The following CPXM2 variants were observed in gnomAD, a reference collection of about 807,000 sequenced individuals.
CPXM2 encodes the protein inactive carboxypeptidase-like protein X2.
In CPXM2, 66 loss-of-function variants were observed where a neutral mutation model predicts 86.1. The ratio of observed to expected loss-of-function variants is 0.77; its 90% CI spans 0.63 to 0.94. The LOEUF (loss-of-function observed/expected upper bound fraction) is 0.94. Among genes scored for constraint, CPXM2 ranks in the 40% least tolerant of loss-of-function variants. CPXM2 has a pLI of 0.00. For missense variants in CPXM2, 948 were observed against 1,026.3 expected, an observed-to-expected ratio of 0.92 and a Z score of 1.04; for synonymous variants, 388 against 400.2, an observed-to-expected ratio of 0.97 and a Z score of 0.36.
upstream of CPXM2, among the ~76,000 whole-genome samples, chr10:123,895,127 T>TTC (rs1564816708): frequency 4.3e-5 from 5 of 116,514 alleles, no homozygotes; most frequent in Non-Finnish European, 9.5e-5. Context: ...TTTTCTTTTT[T>TTC]TTTTTTTTTT....
chr10:123,767,012 A>G lies in CPXM2; in HGVS notation c.1440T>C (p.Tyr480=). The G allele has an allele frequency of 1.9e-6, 3 of 1,614,164 alleles. No homozygotes were observed. Among genetic ancestry groups the G allele is most frequent in the Non-Finnish European group, 2.5e-6 (3 of 1,179,988 alleles). Residue 480 remains tyrosine (Y), a synonymous_variant, in exon 10 of 14, where the codon TAT becomes TAC. Coordinates refer to ENST00000241305, the MANE Select transcript of CPXM2 (RefSeq NM_198148.3). ...ACAGAAACCACTCAGGGATTGCAAT[A>G]TAGTGATTGGGAACTTTCCTGGGGA... ...QNVPRKVPNH[Y]IAIPEWFLSE... is the part of the protein sequence containing the mutation.
In CPXM2 at chr10:123,757,366, C is replaced by T. The variant is rs760317767; in HGVS notation, c.1778-14G>A. The stretch of plus-strand genomic sequence containing the variant: ...AATCGTTCAGACCTGCCAAGCCAAC[C>T]GGACAACACTTTAACTGAACAATAC... On this transcript the variant is annotated splice_polypyrimidine_tract_variant and intron_variant, in intron 11 of 13. Coordinates refer to ENST00000241305, the MANE Select transcript of CPXM2 (RefSeq NM_198148.3). 8.7e-6 allele frequency: 14 copies of T among 1,609,134 alleles called. No individual in the cohort carries two copies. The highest frequency in any genetic ancestry group is 2.7e-5 in the African/African-American group (2 of 74,838).
At chr10:123,752,532 T>C (rs1043655992) in intron 13 of CPXM2, 16 of 985,308 alleles carry the variant, frequency 1.6e-5, no homozygotes, top group Non-Finnish European at 1.9e-5. Context: ...CAATGAAGGA[T>C]ACATGGGCCA....
chr10:123,781,966 A>G (rs1036254430), intron 6 of CPXM2, among the ~76,000 whole-genome samples: 1 of 152,228 alleles, frequency 6.6e-6, no homozygotes, highest in Non-Finnish European at 1.5e-5. Context: ...TAATAATCAC[A>G]TATCGACCCA....
At chr10:123,764,111 A>G (rs1846414654) in intron 10 of CPXM2, among the ~76,000 whole-genome samples, 1 of 151,732 alleles carries the variant, frequency 6.6e-6, no homozygotes, top group Admixed American at 6.6e-5. Context: ...CCTTTTGTCC[A>G]TTTTTCTACT....
intron 4 of CPXM2, among the ~76,000 whole-genome samples, chr10:123,820,605 G>A (rs965027035): frequency 2.0e-4 from 30 of 152,194 alleles, no homozygotes; most frequent in Non-Finnish European, 4.4e-5. Context: ...AGTGCTGCAG[G>A]CTAGAATCTA....
chr10:123,866,327 GCCGAGGC>G (rs1433465131), intron 2 of CPXM2, among the ~76,000 whole-genome samples: 1 of 152,190 alleles, frequency 6.6e-6, no homozygotes, highest in African/African-American at 2.4e-5. Context: ...ACTTTGGGAG[GCCGAGGC>G]AGGTGGATCA....
chr10:123,862,549 C>G, intron 3 of CPXM2, 65 bp downstream of exon 3: 1 of 1,410,574 alleles, frequency 7.1e-7, no homozygotes, highest in South Asian at 1.2e-5. Flanking sequence ...TTGCCTGATC[C>G]AAGCTCAAGG....
At chr10:123,835,360 T>A (rs1332035021) in intron 4 of CPXM2, among the ~76,000 whole-genome samples, 1 of 152,190 alleles carries the variant, frequency 6.6e-6, no homozygotes, top group Non-Finnish European at 1.5e-5. Context: ...TGAGAGCTCA[T>A]GCCTTCATCA....
At position 123,750,551 on chromosome 10, in the gene CPXM2, C is replaced by G. The variant is rs1284257498; in HGVS notation, c.2018-3534G>C. The G allele has an allele frequency of 6.1e-6, 6 of 983,560 alleles. No individual in the cohort carries two copies. In the African/African-American group the frequency reaches 8.7e-5, roughly 14 times the overall value. 60.9% of individuals were successfully genotyped at this position (983,560 alleles called of 1,614,324 possible). A position where few individuals can be genotyped will look rare whatever the true frequency, so the allele number is the denominator to read the frequency against. ...TAAATATCACTTAATTTATTTTTTT[C>G]ATGGCACTGATCATAGTGTGTAGTA... On this transcript the variant is annotated intron_variant, in intron 13 of 13. Transcript: ENST00000241305.
At chr10:123,764,651 T>A (rs1458932308) in intron 10 of CPXM2, among the ~76,000 whole-genome samples, 5 of 152,236 alleles carry the variant, frequency 3.3e-5, no homozygotes, top group Non-Finnish European at 5.9e-5. Flanking sequence ...CATGCCTGGC[T>A]AATTTTTGTA....
chr10:123,830,852 ATC>A (rs150171922), intron 4 of CPXM2, among the ~76,000 whole-genome samples: 2,380 of 139,844 alleles, frequency 0.017, 27 homozygotes, highest in Non-Finnish European at 0.024. Context: ...GTATGCACTC[ATC>A]TCTCTCTCTC....
At chr10:123,914,998 T>C (rs1945523608) in intron 2 of CPXM2, among the ~76,000 whole-genome samples, 1 of 152,230 alleles carries the variant, frequency 6.6e-6, no homozygotes, top group Admixed American at 6.5e-5. Context: ...AAGAATAAAA[T>C]GCAAAGTCCT....
In CPXM2 at chr10:123,869,593, C is replaced by T. The variant is rs543140161; in HGVS notation, c.404-6870G>A. ...AGTGCAGCTCTCTGAGAACACACCA[C>T]GCTGAGCAGGGCGCCATCTCCCAGC... On this transcript the variant is annotated intron_variant, in intron 2 of 13. Coordinates refer to ENST00000241305, the MANE Select transcript of CPXM2 (RefSeq NM_198148.3). Among the ~76,000 whole-genome samples, 15 of 152,322 alleles carry T rather than the reference C, an allele frequency of 9.8e-5. No individual in the cohort carries two copies. The East Asian group carries it at 1.2e-3, about 12-fold the overall frequency.
intron 3 of CPXM2, among the ~76,000 whole-genome samples, chr10:123,853,554 G>T (rs1239098619): frequency 6.6e-6 from 1 of 152,212 alleles, no homozygotes; most frequent in East Asian, 1.9e-4. Context: ...GTACATGAAA[G>T]GTTTCCAGAG....
At chr10:123,751,867 G>T in intron 13 of CPXM2, 1 of 985,246 alleles carries the variant, frequency 1.0e-6, no homozygotes, top group Non-Finnish European at 1.2e-6. Context: ...TTATAGAGGG[G>T]AAAATCAAGG....
intron 4 of CPXM2, among the ~76,000 whole-genome samples, chr10:123,832,942 C>G (rs1366717425): frequency 6.6e-6 from 1 of 152,090 alleles, no homozygotes. Context: ...TCCATCCTTT[C>G]CGCCATGGGA....
Position 123,885,511 on chromosome 10 carries a change from C to T in CPXM2, c.305-5202G>A, listed in dbSNP as rs1173304087. 6.6e-6 allele frequency among the ~76,000 whole-genome samples: 1 copy of T among 152,348 alleles called. No individual in the cohort carries two copies. Among genetic ancestry groups the T allele is most frequent in the South Asian group, 2.1e-4 (1 of 4,824 alleles). On this transcript the variant is annotated intron_variant, in intron 1 of 13. Coordinates refer to ENST00000241305, the MANE Select transcript of CPXM2 (RefSeq NM_198148.3). The surrounding 1 kb of genome is among the most constrained non-coding windows in gnomAD (Gnocchi z 4.0). ...CATGAACCAGGCATTCCATACAAAT[C>T]TGTGACATCAGGGGCTTAAATTAAC...
chr10:123,792,599 G>C (rs749289875), intron 6 of CPXM2, among the ~76,000 whole-genome samples: 2 of 152,180 alleles, frequency 1.3e-5, no homozygotes, highest in Non-Finnish European at 2.9e-5. Flanking sequence ...TCTCCCCAGG[G>C]AGAGCACAGT....
Sources: gnomAD v4.1 joint callset for allele counts (sites outside exome capture counted in the v4.1 genomes callset) on GRCh38, gnomAD v4.1.1 for gene constraint, Gnocchi (gnomAD v3.1) non-coding constraint, MANE v1.5 for transcripts, NCBI Gene and HGNC (gene_info 2026-07-23, HGNC 2026-07-21) for gene names.